Variants in MYBPC1 observed in about 807,000 individuals in gnomAD.
The protein encoded by MYBPC1 is myosin-binding protein C, slow-type.
In MYBPC1, 52 loss-of-function variants were observed where a neutral mutation model predicts 147.1. The ratio of observed to expected loss-of-function variants is 0.35; its 90% CI spans 0.28 to 0.45. MYBPC1 has a LOEUF of 0.45. Ranked by LOEUF, MYBPC1 falls within the 20% of genes least tolerant of loss-of-function variation. The pLI is 1.00. For missense variants in MYBPC1, 1,228 were observed against 1,440.3 expected (o/e 0.85, Z 2.39); for synonymous variants, 477 against 475.9 (o/e 1.00, Z -0.03).
intron 26 of MYBPC1, among the ~76,000 whole-genome samples, chr12:101,676,274 G>C (rs1379228211): frequency 2.0e-5 from 3 of 152,052 alleles, no homozygotes; most frequent in African/African-American, 4.8e-5. Context: ...GGCTTGCAGA[G>C]GATAAATGAC....
chr12:101,595,001 C>T lies in MYBPC1; in HGVS notation c.-70C>T, dbSNP rs887225028. 1.3e-6 allele frequency: 2 copies of T among 1,494,498 alleles called. No individual in the cohort carries two copies. The highest frequency in any genetic ancestry group is 2.8e-5 in the African/African-American group (2 of 72,478). 92.6% of individuals were successfully genotyped at this position (1,494,498 alleles called of 1,614,324 possible). On this transcript the variant is annotated 5_prime_UTR_variant, in exon 1 of 32. Transcript: ENST00000361466. The stretch of plus-strand genomic sequence containing the variant: ...ACCGACCTGCACCATCTCTCGCCTG[C>T]CTGTGGGGTTTCTGTCAACTAGTCG...
At position 101,677,354 on chromosome 12, in the gene MYBPC1, T is replaced by C. The variant is rs1167021560; in HGVS notation, c.3069T>C (p.Asp1023=). ...AAAACATGTGTGGCCTCAGTGAGGA[T>C]GCCACCATGACTAAAGAGAGTGCAG... ...FSENMCGLSE[D]ATMTKESAVI... is the part of the protein sequence containing the mutation. The change falls in exon 27 of 32, where the codon GAT becomes GAC. Residue 1023 remains aspartate (D), a synonymous_variant. Coordinates refer to ENST00000361466, the MANE Select transcript of MYBPC1 (RefSeq NM_002465.4). The C allele has an allele frequency of 1.2e-6, 2 of 1,614,066 alleles. No individual in the cohort carries two copies. Among genetic ancestry groups the C allele is most frequent in the African/African-American group, 1.3e-5 (1 of 75,044 alleles).
chr12:101,674,862 CAAAAAAAA>C (rs62824364), intron 25 of MYBPC1, among the ~76,000 whole-genome samples: 3 of 59,866 alleles, frequency 5.0e-5, no homozygotes, highest in South Asian at 1.4e-3. Flanking sequence ...ACTCTGTCTC[CAAAAAAAA>C]AAAAAAAAAA....
intron 1 of MYBPC1, among the ~76,000 whole-genome samples, chr12:101,608,976 T>A (rs922234170): frequency 6.6e-6 from 1 of 152,034 alleles, no homozygotes; most frequent in Non-Finnish European, 1.5e-5. Context: ...ATGGATTTCT[T>A]GGCAGCAAGG....
intron 7 of MYBPC1, 127 bp downstream of exon 7, chr12:101,631,846 G>C: frequency 1.4e-6 from 2 of 1,431,178 alleles, no homozygotes; most frequent in Non-Finnish European, 9.8e-7. Flanking sequence ...TACCATTGCA[G>C]TGTCTACACT....
At chr12:101,650,603 C>T (rs1440809730) in intron 15 of MYBPC1, among the ~76,000 whole-genome samples, 2 of 152,164 alleles carry the variant, frequency 1.3e-5, no homozygotes, top group Non-Finnish European at 2.9e-5. Flanking sequence ...TTACCTCCCA[C>T]CACGTCCCTC....
intron 18 of MYBPC1, among the ~76,000 whole-genome samples, chr12:101,656,763 C>T (rs1895615889): frequency 6.6e-6 from 1 of 152,142 alleles, no homozygotes; most frequent in Admixed American, 6.5e-5. Context: ...GAGATTTTGA[C>T]ATCCCTCTAT....
chr12:101,633,348 T>C (rs1253998648), intron 8 of MYBPC1, among the ~76,000 whole-genome samples: 1 of 152,106 alleles, frequency 6.6e-6, no homozygotes, highest in Non-Finnish European at 1.5e-5. Context: ...TTAGGCAGTT[T>C]AGAATCAAAA....
In MYBPC1 at chr12:101,678,202, T is replaced by C. The variant is rs550306650; in HGVS notation, c.3210T>C (p.Asn1070=). ...ACACCTATGCCATAGCTGGTTACAA[T>C]GCCACCCTAAACTGCAGTGTGAGAG... ...LVNTYAIAGY[N]ATLNCSVRGN... Residue 1070 remains asparagine, a synonymous_variant, in exon 28 of 32, where the codon AAT becomes AAC. Transcript: ENST00000361466. 6.2e-6 allele frequency: 10 copies of C among 1,614,052 alleles called. No homozygotes were observed. The highest frequency in any genetic ancestry group is 5.0e-5 in the Admixed American group (3 of 60,008).
At chr12:101,606,926 G>A (rs906853816) in intron 1 of MYBPC1, among the ~76,000 whole-genome samples, 2 of 152,096 alleles carry the variant, frequency 1.3e-5, no homozygotes, top group Non-Finnish European at 2.9e-5. Context: ...CCCAGCTCAA[G>A]CAATCTTCCC....
intron 1 of MYBPC1, 151 bp downstream of exon 1, chr12:101,595,246 G>A: frequency 2.7e-6 from 2 of 752,260 alleles, no homozygotes; most frequent in Non-Finnish European, 4.4e-6. Flanking sequence ...AAACAGACCA[G>A]AGGAAAAATA....
At position 101,617,205 on chromosome 12, in the gene MYBPC1, C is replaced by T. The variant is rs1277030354; in HGVS notation, c.65C>T (p.Pro22Leu). The change falls in exon 3 of 32, where the codon CCA (proline) becomes CTA (leucine). Residue 22 changes from proline to leucine, a missense_variant. Coordinates refer to ENST00000361466, the MANE Select transcript of MYBPC1 (RefSeq NM_002465.4). ...TATGCTTGTACTTTCTACACAGAAC[C>T]AAGTAAAGAGAAGGAGGCCGGAACT... ...VPAPAPPPEE[P>L]SKEKEAGTTP... The T allele has an allele frequency of 6.2e-7, 1 of 1,613,596 alleles. No homozygotes were observed. Among genetic ancestry groups the T allele is most frequent in the South Asian group, 1.1e-5 (1 of 91,052 alleles).
chr12:101,689,076 C>T (rs1951386088), downstream of MYBPC1, among the ~76,000 whole-genome samples: 1 of 151,918 alleles, frequency 6.6e-6, no homozygotes, highest in African/African-American at 2.4e-5. Context: ...TATAAGAGAG[C>T]ACTATAACAA....
chr12:101,693,560 G>A, the MYBPC1 span, among the ~76,000 whole-genome samples: 1 of 152,090 alleles, frequency 6.6e-6, no homozygotes, highest in African/African-American at 2.4e-5. Flanking sequence ...GGCCAACATG[G>A]CGAAACCCCA....
At chr12:101,603,982 TA>T (rs530831565) in intron 1 of MYBPC1, among the ~76,000 whole-genome samples, 108 of 152,260 alleles carry the variant, frequency 7.1e-4, no homozygotes, top group African/African-American at 2.5e-3. Flanking sequence ...AAAGACACAG[TA>T]AAGGAGGAAA....
chr12:101,656,233 A>G (rs984553662), intron 18 of MYBPC1, among the ~76,000 whole-genome samples: 1 of 152,148 alleles, frequency 6.6e-6, no homozygotes, highest in Non-Finnish European at 1.5e-5. Context: ...AATCACATAG[A>G]ATGCTTAATT....
intron 1 of MYBPC1, among the ~76,000 whole-genome samples, chr12:101,603,254 G>C (rs1000182050): frequency 6.6e-6 from 1 of 151,856 alleles, no homozygotes; most frequent in Admixed American, 6.6e-5. Context: ...TGAGGCAGGA[G>C]AATCACTTGA....
At position 101,644,657 on chromosome 12, in the gene MYBPC1, C is replaced by CT; in HGVS notation, c.833-6dup. The CT allele has an allele frequency of 6.2e-7, 1 of 1,611,048 alleles. No homozygotes were observed. The highest frequency in any genetic ancestry group is 8.5e-7 in the Non-Finnish European group (1 of 1,177,326). On this transcript the variant is annotated splice_polypyrimidine_tract_variant and splice_region_variant and intron_variant, in intron 11 of 31. Transcript: ENST00000361466. ...TTAACATACTTTTGCTTCTTCTATT[C>CT]TATCAGCTTTTGCAAAAATTCTTGA...
Position 101,631,661 on chromosome 12 carries a change from T to C in MYBPC1, c.380T>C (p.Leu127Pro). Residue 127 changes from leucine (L) to proline (P), a missense_variant, in exon 7 of 32, where the codon CTG (leucine) becomes CCG (proline). Transcript: ENST00000361466. ...TGGTTCAAAGGAAAATGGATGGACCTGGCCAGCAAAGCCGGGAAGCACCTT... is the reference window on the plus strand; with the variant it reads ...TGGTTCAAAGGAAAATGGATGGACCCGGCCAGCAAAGCCGGGAAGCACCTT... ...IKWFKGKWMD[L>P]ASKAGKHLQL... The C allele has an allele frequency of 6.2e-7, 1 of 1,614,220 alleles. No individual in the cohort carries two copies. Among genetic ancestry groups the C allele is most frequent in the Non-Finnish European group, 8.5e-7 (1 of 1,180,036 alleles).
Sources: gnomAD v4.1 joint callset for allele counts (sites outside exome capture counted in the v4.1 genomes callset) on GRCh38, gnomAD v4.1.1 for gene constraint, MANE v1.5 for transcripts, NCBI Gene and HGNC (gene_info 2026-07-23, HGNC 2026-07-21) for gene names.